The following ITGB2 variants were observed in gnomAD, a reference collection of about 807,000 sequenced individuals.
ITGB2 encodes the protein integrin beta-2.
ITGB2 carries 56 observed loss-of-function variants against 86.8 expected under a neutral mutation model. The ratio of observed to expected loss-of-function variants is 0.65; its 90% CI spans 0.52 to 0.81. The LOEUF is 0.81. Among genes scored for constraint, ITGB2 ranks in the 30% least tolerant of loss-of-function variants. The pLI, the probability that ITGB2 is intolerant of heterozygous loss-of-function variation, is 0.00. For missense variants in ITGB2, 948 were observed against 1,061.2 expected (o/e 0.89, Z 1.48); for synonymous variants, 457 against 450.4 (o/e 1.01, Z -0.19).
intron 3 of ITGB2, among the ~76,000 whole-genome samples, chr21:44,909,826 G>C (rs1048898784): frequency 6.6e-6 from 1 of 152,076 alleles, no homozygotes; most frequent in Admixed American, 6.5e-5. Context: ...ATTTCCTCTT[G>C]GCCACCTTGT....
intron 10 of ITGB2, among the ~76,000 whole-genome samples, chr21:44,892,604 C>CAAAAAA (rs11327948): frequency 0.017 from 1,230 of 71,042 alleles, 82 homozygotes; most frequent in Non-Finnish European, 0.02. Context: ...AACTCCATCT[C>CAAAAAA]AAAAAAAAAA....
intron 7 of ITGB2, among the ~76,000 whole-genome samples, chr21:44,899,557 T>TCC (rs199978597): frequency 7.2e-5 from 7 of 97,758 alleles, no homozygotes; most frequent in Admixed American, 2.8e-4. Flanking sequence ...GGGCCGTCCC[T>TCC]CCCGTCTGTG....
chr21:44,911,922 G>C (rs145333014), intron 1 of ITGB2, among the ~76,000 whole-genome samples: 2,145 of 152,250 alleles, frequency 0.014, 38 homozygotes, highest in South Asian at 0.09. Context: ...CCTAGGTGGG[G>C]TGGGCCCCTG....
In ITGB2 at chr21:44,926,512, G is replaced by C. The variant is rs2084375278; in HGVS notation, c.-4+2142C>G. On this transcript the variant is annotated intron_variant, in intron 1 of 15. Coordinates refer to the ITGB2 transcript ENST00000355153. Reference sequence around the variant, plus strand: ...CAGCACCGGCAACCGGCATCCGTGGGGCCACGCCGGGCTGCTTCCCAGGGC... The same window carrying C: ...CAGCACCGGCAACCGGCATCCGTGGCGCCACGCCGGGCTGCTTCCCAGGGC... Among the ~76,000 whole-genome samples the C allele has an allele frequency of 2.0e-5, 3 of 152,166 alleles. No homozygotes were observed. The South Asian group carries it at 6.2e-4, about 31-fold the overall frequency.
At chr21:44,915,177 C>A (rs914002175) in intron 1 of ITGB2, among the ~76,000 whole-genome samples, 2 of 152,142 alleles carry the variant, frequency 1.3e-5, no homozygotes, top group African/African-American at 4.8e-5. Flanking sequence ...GCTCCCACGA[C>A]CACGCCCAGC....
At chr21:44,889,000 G>A in intron 13 of ITGB2, 105 bp from the exon 14 acceptor site, 1 of 1,037,052 alleles carries the variant, frequency 9.6e-7, no homozygotes, top group South Asian at 1.4e-5. Context: ...GGTGGGGTTG[G>A]GGCGCCCTCA....
At position 44,910,768 on chromosome 21, in the gene ITGB2, G is replaced by A; in HGVS notation, c.15C>T (p.Arg5=). The A allele has an allele frequency of 1.2e-6, 2 of 1,613,850 alleles. No homozygotes were observed. The highest frequency in any genetic ancestry group is 1.1e-5 in the South Asian group (1 of 91,002). Residue 5 remains arginine, a synonymous_variant, in exon 2 of 16, where the codon CGC becomes CGT. Coordinates refer to ENST00000652462, the MANE Select transcript of ITGB2 (RefSeq NM_000211.5). MLGL[R]PPLLALVGLL... ...GCCCCACCAGGGCGAGCAGTGGGGG[G>A]CGCAGGCCCAGCATGTCCTGTGGAG...
At chr21:44,923,481 G>C (rs1377340633), upstream of ITGB2, among the ~76,000 whole-genome samples, 3 of 152,086 alleles carry the variant, frequency 2.0e-5, no homozygotes, top group African/African-American at 7.2e-5. Context: ...GGTTGGGGGA[G>C]AGTCGGGAGA....
At position 44,915,646 on chromosome 21, in the gene ITGB2, C is replaced by T. The variant is rs577654447; in HGVS notation, c.-3-4861G>A. On this transcript the variant is annotated intron_variant, in intron 1 of 15. Transcript: ENST00000652462. ...AAAAGCCAGAGCATCAAGATGGACT[C>T]ATTTCTGCTTTGTAGGAATGTGATA... 2.6e-5 allele frequency among the ~76,000 whole-genome samples: 4 copies of T among 152,310 alleles called. No homozygotes were observed. The South Asian group carries it at 6.2e-4, about 24-fold the overall frequency.
chr21:44,892,465 C>G (rs1378580354), intron 10 of ITGB2, among the ~76,000 whole-genome samples: 1 of 152,040 alleles, frequency 6.6e-6, no homozygotes, highest in East Asian at 1.9e-4. Context: ...ACTAAAAATA[C>G]AAAAATTAGC....
At chr21:44,900,662 TCA>T (rs2083941449) in intron 6 of ITGB2, among the ~76,000 whole-genome samples, 187 bp from the exon 7 acceptor site, 5 of 151,748 alleles carry the variant, frequency 3.3e-5, no homozygotes. Flanking sequence ...ACAACGGCCC[TCA>T]AACACCCCGT....
intron 1 of ITGB2, among the ~76,000 whole-genome samples, chr21:44,927,387 G>A (rs2084386332): frequency 1.3e-5 from 2 of 152,062 alleles, no homozygotes; most frequent in South Asian, 4.2e-4. Context: ...GACCCCTGGG[G>A]TCTGGCCCCA....
intron 1 of ITGB2, among the ~76,000 whole-genome samples, chr21:44,914,808 C>T (rs1257071721): frequency 6.6e-6 from 1 of 152,130 alleles, no homozygotes; most frequent in African/African-American, 2.4e-5. Flanking sequence ...TGGCATGCAT[C>T]TCTAGTCCCA....
intron 14 of ITGB2, among the ~76,000 whole-genome samples, chr21:44,888,049 G>T (rs567751894): frequency 6.6e-5 from 10 of 152,266 alleles, no homozygotes; most frequent in African/African-American, 2.4e-4. Context: ...CAAGGTCACC[G>T]TGGGGCTGGG....
chr21:44,906,065 C>T (rs913942356), intron 4 of ITGB2, among the ~76,000 whole-genome samples: 9 of 152,090 alleles, frequency 5.9e-5, no homozygotes, highest in Non-Finnish European at 1.2e-4. Context: ...CACACCAGGC[C>T]TCCTTCTCCC....
At chr21:44,902,887 G>A (rs1038962241) in intron 5 of ITGB2, among the ~76,000 whole-genome samples, 7 of 152,340 alleles carry the variant, frequency 4.6e-5, no homozygotes, top group South Asian at 2.1e-4. Flanking sequence ...GAGAAGCCAC[G>A]GCCGGCGGGG....
At chr21:44,889,558 C>T (rs2083754763) in intron 12 of ITGB2, 63 bp from the exon 13 acceptor site, 4 of 1,435,368 alleles carry the variant, frequency 2.8e-6, no homozygotes, top group South Asian at 1.2e-5. Flanking sequence ...CCGCCCGAAA[C>T]CCCACTGCGG....
intron 4 of ITGB2, 146 bp from the exon 5 acceptor site, chr21:44,903,681 G>T: frequency 1.1e-6 from 1 of 887,562 alleles, no homozygotes; most frequent in Non-Finnish European, 1.8e-6. Flanking sequence ...CGCCTGGCAG[G>T]AGAGCTGAGG....
chr21:44,893,433 C>A lies in ITGB2; in HGVS notation c.1195G>T (p.Asp399Tyr). ...ACATTGATCTGCACGCCATCACAGTCACCTCTGGGCTGGTTCCTGTGCGTC... is the reference window on the plus strand; with the variant it reads ...ACATTGATCTGCACGCCATCACAGTAACCTCTGGGCTGGTTCCTGTGCGTC... The part of the protein sequence containing the change: ...GVTHRNQPRG[D>Y]CDGVQINVPI... Residue 399 changes from aspartate (D) to tyrosine (Y), a missense_variant, in exon 10 of 16, where the codon GAC becomes TAC. By Grantham distance (160) the Asp-to-Tyr change is radical. Transcript: ENST00000652462. 1.2e-6 allele frequency: 2 copies of A among 1,614,132 alleles called. No individual in the cohort carries two copies. The highest frequency in any genetic ancestry group is 2.2e-5 in the South Asian group (2 of 91,066).
Sources: allele counts gnomAD v4.1 joint callset (sites outside exome capture counted in the v4.1 genomes callset), GRCh38; gene constraint gnomAD v4.1.1; transcripts MANE v1.5; gene names NCBI Gene and HGNC (gene_info 2026-07-23, HGNC 2026-07-21).